TPTE2: variants seen among roughly 807,000 people sequenced by gnomAD.
TPTE2 encodes the protein phosphatidylinositol 3,4,5-trisphosphate 3-phosphatase TPTE2.
Under a neutral mutation model 78.6 loss-of-function variants are expected in TPTE2, and 53 were observed. The observed-to-expected ratio is 0.67, with a 90% CI of 0.54 to 0.85. TPTE2 has a LOEUF of 0.85. Among genes scored for constraint, TPTE2 ranks in the 40% least tolerant of loss-of-function variants. TPTE2 has a pLI of 0.00. For synonymous variants in TPTE2, 175 were observed against 206.2 expected, an observed-to-expected ratio of 0.85 and a Z score of 1.30; for missense variants, 461 against 623.0, an observed-to-expected ratio of 0.74 and a Z score of 2.77.
intron 1 of TPTE2, among the ~76,000 whole-genome samples, chr13:19,527,699 A>T (rs1203609795): frequency 1.3e-5 from 2 of 151,932 alleles, no homozygotes; most frequent in African/African-American, 4.8e-5. Context: ...ACATGACAAA[A>T]CCCATCTCAA....
intron 1 of TPTE2, chr13:19,493,752 C>G: frequency 2.0e-6 from 1 of 512,616 alleles, no homozygotes; most frequent in Non-Finnish European, 3.5e-6. Context: ...ATTATGACCT[C>G]AGTCCCAATG....
chr13:19,556,312 A>G, the TPTE2 span, among the ~76,000 whole-genome samples: 3 of 152,316 alleles, frequency 2.0e-5, no homozygotes, highest in East Asian at 5.8e-4. Flanking sequence ...ATAGGTGTAT[A>G]TTTTATAGTA....
chr13:19,500,926 T>C (rs1868484111), intron 1 of TPTE2, among the ~76,000 whole-genome samples: 1 of 144,578 alleles, frequency 6.9e-6, no homozygotes, highest in South Asian at 2.4e-4. Flanking sequence ...CAAAATCTCC[T>C]TAAGCTGATA....
chr13:19,444,017 G>C (rs1211952882), intron 13 of TPTE2, among the ~76,000 whole-genome samples: 1 of 152,040 alleles, frequency 6.6e-6, no homozygotes, highest in Non-Finnish European at 1.5e-5. Context: ...AGTGAGTTTA[G>C]GCTGGGCACG....
chr13:19,529,131 A>ATAAT (rs1870708759), intron 1 of TPTE2, among the ~76,000 whole-genome samples: 2 of 152,110 alleles, frequency 1.3e-5, no homozygotes, highest in South Asian at 4.1e-4. Flanking sequence ...AAATAAATAA[A>ATAAT]TAATTAATTA....
intron 1 of TPTE2, among the ~76,000 whole-genome samples, chr13:19,523,214 T>C (rs897314103): frequency 2.0e-5 from 3 of 152,146 alleles, no homozygotes; most frequent in African/African-American, 7.2e-5. Context: ...GATTGTAGGA[T>C]GTTGGTTTTC....
chr13:19,513,217 T>C, intron 1 of TPTE2, among the ~76,000 whole-genome samples: 1 of 152,346 alleles, frequency 6.6e-6, no homozygotes, highest in African/African-American at 2.4e-5. Flanking sequence ...TGTATTTTAC[T>C]TCAAACATCA....
At chr13:19,529,021 A>G (rs914276780) in intron 1 of TPTE2, among the ~76,000 whole-genome samples, 3 of 152,194 alleles carry the variant, frequency 2.0e-5, no homozygotes, top group African/African-American at 4.8e-5. Context: ...CGGGAAGCTG[A>G]GGCAGGAGAA....
chr13:19,514,094 C>G (rs1282926739), intron 1 of TPTE2, among the ~76,000 whole-genome samples: 1 of 152,100 alleles, frequency 6.6e-6, no homozygotes, highest in Non-Finnish European at 1.5e-5. Context: ...TCCAATGCTA[C>G]CACCTTCTTT....
rs1376711631 is a variant in TPTE2, at chr13:19,486,011, T to C, written c.120-3464A>G. Among the ~76,000 whole-genome samples, 1 of 152,206 alleles carries C rather than the reference T, an allele frequency of 6.6e-6. No homozygotes were observed. The highest frequency in any genetic ancestry group is 1.5e-5 in the Non-Finnish European group (1 of 68,024). On this transcript the variant is annotated intron_variant, in intron 3 of 19. Transcript: ENST00000400230. The surrounding 1 kb of genome is among the most constrained non-coding windows in gnomAD (Gnocchi z 4.3). ...TTATTCTTTTTTCTGTCATCTCTTA[T>C]GTTTATGATTGGGTTCTATTACTGG...
intron 1 of TPTE2, among the ~76,000 whole-genome samples, chr13:19,494,183 G>C (rs1396116011): frequency 6.6e-6 from 1 of 152,168 alleles, no homozygotes; most frequent in African/African-American, 2.4e-5. Flanking sequence ...TACTTACTAA[G>C]GGCGACAAGA....
chr13:19,552,430 T>C, the TPTE2 span: 1 of 377,152 alleles, frequency 2.7e-6, no homozygotes, highest in Non-Finnish European at 4.8e-6. Flanking sequence ...AAAAAAACCT[T>C]GTCAGATTTC....
At chr13:19,465,312 C>G (rs1414344331) in exon 9 of TPTE2, 1 of 1,613,668 alleles carries the variant, frequency 6.2e-7, no homozygotes, top group Non-Finnish European at 8.5e-7. Flanking sequence ...CTTTTGTTTT[C>G]TGAAACCTGA....
chr13:19,541,178 C>CCCA (rs1871427019), upstream of TPTE2, among the ~76,000 whole-genome samples: 4 of 152,312 alleles, frequency 2.6e-5, no homozygotes, highest in African/African-American at 9.6e-5. Context: ...GGTTTCTTGC[C>CCCA]AGGTGGCTCA....
At chr13:19,530,104 T>C (rs1870772891) in intron 1 of TPTE2, among the ~76,000 whole-genome samples, 1 of 152,224 alleles carries the variant, frequency 6.6e-6, no homozygotes, top group African/African-American at 2.4e-5. Context: ...ACAATTATTC[T>C]TAAAAGCCAT....
the TPTE2 span, among the ~76,000 whole-genome samples, chr13:19,554,509 C>T: frequency 6.6e-6 from 1 of 151,856 alleles, no homozygotes; most frequent in Admixed American, 6.6e-5. Context: ...GTATCACAAT[C>T]CCCTACTGTT....
At position 19,426,385 on chromosome 13, in the gene TPTE2, A is replaced by G. The variant is rs546594429; in HGVS notation, c.1395+40T>C. 19 of 1,366,660 alleles carry G rather than the reference A, an allele frequency of 1.4e-5. No individual in the cohort carries two copies. In the African/African-American group the frequency reaches 2.5e-4, roughly 18 times the overall value. 84.7% of individuals were successfully genotyped at this position (1,366,660 alleles called of 1,614,324 possible). On this transcript the variant is annotated intron_variant, in intron 18 of 19. Transcript: ENST00000400230. ...AAATCTGAAATAAAATCATTAGACCAGACAAGAACAATGGCAGAGGCTATT... is the reference window on the plus strand; with the variant it reads ...AAATCTGAAATAAAATCATTAGACCGGACAAGAACAATGGCAGAGGCTATT...
intron 15 of TPTE2, among the ~76,000 whole-genome samples, chr13:19,432,849 A>T (rs1206668472): frequency 6.6e-6 from 1 of 152,002 alleles, no homozygotes; most frequent in Non-Finnish European, 1.5e-5. Flanking sequence ...GAGGGCAACT[A>T]ATCAGAAGCA....
chr13:19,536,858 C>T (rs537076694), upstream of TPTE2: 14 of 151,358 alleles, frequency 9.2e-5, no homozygotes, highest in Non-Finnish European at 1.3e-4. Context: ...TATGTAATTA[C>T]ATATATAAAT....
Sources: gnomAD v4.1 joint callset for allele counts (sites outside exome capture counted in the v4.1 genomes callset) on GRCh38, gnomAD v4.1.1 for gene constraint, Gnocchi (gnomAD v3.1) non-coding constraint, MANE v1.5 for transcripts, NCBI Gene and HGNC (gene_info 2026-07-23, HGNC 2026-07-21) for gene names.